The following TPTE2 variants were observed in gnomAD, a reference collection of about 807,000 sequenced individuals.
The protein encoded by TPTE2 is phosphatidylinositol 3,4,5-trisphosphate 3-phosphatase TPTE2.
TPTE2 carries 53 observed loss-of-function variants against 78.6 expected under a neutral mutation model. The ratio of observed to expected loss-of-function variants is 0.67; its 90% CI spans 0.54 to 0.85. The LOEUF is 0.85. Among genes scored for constraint, TPTE2 ranks in the 40% least tolerant of loss-of-function variants. The pLI is 0.00. For missense variants in TPTE2, 461 were observed against 623.0 expected (o/e 0.74, Z 2.77); for synonymous variants, 175 against 206.2 (o/e 0.85, Z 1.30).
At chr13:19,477,170 G>T (rs1414327149) in intron 4 of TPTE2, among the ~76,000 whole-genome samples, 2 of 152,014 alleles carry the variant, frequency 1.3e-5, no homozygotes, top group Non-Finnish European at 2.9e-5. Context: ...CATAAGGACG[G>T]ATGAACACAA....
At chr13:19,443,762 A>ACC (rs1232120633) in intron 13 of TPTE2, among the ~76,000 whole-genome samples, 4 of 143,090 alleles carry the variant, frequency 2.8e-5, no homozygotes, top group African/African-American at 1.1e-4. Flanking sequence ...ACACACACAC[A>ACC]CACACACACA....
intron 10 of TPTE2, among the ~76,000 whole-genome samples, chr13:19,462,351 G>A (rs532712228): frequency 9.2e-5 from 14 of 151,858 alleles, no homozygotes; most frequent in African/African-American, 1.7e-4. Flanking sequence ...CATTTCTAGG[G>A]GATAGCTCTA....
intron 19 of TPTE2, among the ~76,000 whole-genome samples, chr13:19,424,637 G>A (rs1286611059): frequency 1.3e-5 from 2 of 152,162 alleles, no homozygotes; most frequent in East Asian, 1.9e-4. Context: ...TGAAGGTGCT[G>A]AGCAGACTCA....
intron 6 of TPTE2, among the ~76,000 whole-genome samples, chr13:19,469,444 A>T (rs1045995299): frequency 5.3e-5 from 8 of 152,170 alleles, no homozygotes; most frequent in African/African-American, 1.9e-4. Context: ...GTATAATTTG[A>T]AGTCAGGTAA....
At chr13:19,537,117 T>C (rs1354698835), upstream of TPTE2, among the ~76,000 whole-genome samples, 2 of 152,004 alleles carry the variant, frequency 1.3e-5, no homozygotes, top group Non-Finnish European at 2.9e-5. Context: ...GGTTTTAATT[T>C]GCATTTCCCT....
chr13:19,436,008 A>G (rs929633355), intron 15 of TPTE2, among the ~76,000 whole-genome samples: 6 of 152,168 alleles, frequency 3.9e-5, no homozygotes, highest in Non-Finnish European at 8.8e-5. Context: ...TATAGAATAG[A>G]AAGCAGGATT....
At chr13:19,453,710 T>G (rs1359187056) in intron 10 of TPTE2, among the ~76,000 whole-genome samples, 1 of 152,062 alleles carries the variant, frequency 6.6e-6, no homozygotes, top group Non-Finnish European at 1.5e-5. Context: ...TCTACATTTT[T>G]CTGGTCACAA....
At chr13:19,450,480 T>C in intron 11 of TPTE2, 136 bp from the exon 15 acceptor site, 4 of 785,938 alleles carry the variant, frequency 5.1e-6, no homozygotes, top group Non-Finnish European at 7.9e-6. Context: ...CTCCTGCCAC[T>C]CTAAAATAAA....
intron 10 of TPTE2, among the ~76,000 whole-genome samples, chr13:19,454,639 T>A (rs1878424517): frequency 6.6e-6 from 1 of 152,194 alleles, no homozygotes; most frequent in Non-Finnish European, 1.5e-5. Flanking sequence ...TAAAAATGGT[T>A]AAGGAATCAA....
the TPTE2 span, among the ~76,000 whole-genome samples, chr13:19,556,255 T>C: frequency 6.6e-6 from 1 of 152,224 alleles, no homozygotes; most frequent in Non-Finnish European, 1.5e-5. Flanking sequence ...TCTTTCAGCT[T>C]CACCTTCAGT....
chr13:19,519,437 A>G (rs1870014044), intron 1 of TPTE2, among the ~76,000 whole-genome samples: 1 of 152,182 alleles, frequency 6.6e-6, no homozygotes, highest in Non-Finnish European at 1.5e-5. Flanking sequence ...TATTTCTTCC[A>G]TTTCAAGTTA....
intron 6 of TPTE2, among the ~76,000 whole-genome samples, chr13:19,473,406 G>C (rs1321576937): frequency 1.3e-5 from 2 of 152,028 alleles, no homozygotes; most frequent in African/African-American, 4.8e-5. Flanking sequence ...CGGCTGAGCT[G>C]TCACTCAAAC....
chr13:19,516,222 C>T lies in TPTE2; in HGVS notation c.-43-12945G>A, dbSNP rs946515971. Among the ~76,000 whole-genome samples, 19 of 152,254 alleles carry T rather than the reference C, an allele frequency of 1.2e-4. No homozygotes were observed. In the South Asian group the frequency reaches 1.5e-3, roughly 12 times the overall value. On this transcript the variant is annotated intron_variant, in intron 1 of 17. Transcript: ENST00000390680. ...CAGGTTATAATGAAAAGTACGTCTC[C>T]GACCAAATCTGCCACACATACAGTT...
intron 1 of TPTE2, among the ~76,000 whole-genome samples, chr13:19,534,446 G>C (rs1566080706): frequency 6.6e-6 from 1 of 152,152 alleles, no homozygotes; most frequent in Non-Finnish European, 1.5e-5. Flanking sequence ...ACATTCAAAA[G>C]GAGCATCTTC....
chr13:19,552,984 T>C, the TPTE2 span, among the ~76,000 whole-genome samples: 1 of 151,138 alleles, frequency 6.6e-6, no homozygotes, highest in Non-Finnish European at 1.5e-5. Context: ...TGTTTAAGGG[T>C]ATTTTTATGA....
At chr13:19,494,923 T>A (rs1366845377) in intron 1 of TPTE2, among the ~76,000 whole-genome samples, 1 of 152,220 alleles carries the variant, frequency 6.6e-6, no homozygotes, top group African/African-American at 2.4e-5. Context: ...TAAATTGACC[T>A]GGGATGGCAT....
At chr13:19,480,706 C>T (rs1460984887) in intron 4 of TPTE2, among the ~76,000 whole-genome samples, 1 of 152,110 alleles carries the variant, frequency 6.6e-6, no homozygotes, top group East Asian at 1.9e-4. Context: ...AATATATTTA[C>T]TAATATCAGA....
At chr13:19,453,247 T>C (rs1267825989) in intron 10 of TPTE2, among the ~76,000 whole-genome samples, 1 of 151,810 alleles carries the variant, frequency 6.6e-6, no homozygotes, top group Non-Finnish European at 1.5e-5. Flanking sequence ...CAGGCTGGTT[T>C]TGAACTCCTG....
At chr13:19,505,156 T>C (rs1378050077), upstream of TPTE2, among the ~76,000 whole-genome samples, 1 of 152,086 alleles carries the variant, frequency 6.6e-6, no homozygotes, top group Non-Finnish European at 1.5e-5. Context: ...ATGTATCCTT[T>C]TTTTTAGGCG....
Sources: allele counts gnomAD v4.1 joint callset (sites outside exome capture counted in the v4.1 genomes callset), GRCh38; gene constraint gnomAD v4.1.1; transcripts MANE v1.5; gene names NCBI Gene and HGNC (gene_info 2026-07-23, HGNC 2026-07-21).